NEO1: variants seen among roughly 807,000 people sequenced by gnomAD.
NEO1 encodes the protein neogenin 1, also known as neogenin.
A neutral mutation model predicts 159.7 loss-of-function variants in NEO1; 63 were observed. The ratio of observed to expected loss-of-function variants is 0.39; its 90% CI spans 0.32 to 0.49. NEO1 has a LOEUF of 0.49. NEO1 is among the 20% of genes least tolerant of loss of function. NEO1 has a pLI of 0.85. For synonymous variants in NEO1, 633 were observed against 662.0 expected, an observed-to-expected ratio of 0.96 and a Z score of 0.67; for missense variants, 1,615 against 1,831.0, an observed-to-expected ratio of 0.88 and a Z score of 2.15.
rs1451565253 is a variant in NEO1, at chr15:73,260,439, A to G, written c.2372A>G (p.Gln791Arg). The change falls in exon 15 of 29, where the codon CAG becomes CGG. Residue 791 changes from glutamine to arginine, a missense_variant. Transcript: ENST00000261908. Reference protein sequence around the residue: ...HAQTIKVDYKQRYYTIENLDP... With the variant: ...HAQTIKVDYKRRYYTIENLDP... ...CAGACCATCAAAGTGGACTATAAAC[A>G]GCGCTATTACACCATTGAAAATCTG... 9 of 1,613,442 alleles carry G rather than the reference A, an allele frequency of 5.6e-6. No individual in the cohort carries two copies. The highest frequency in any genetic ancestry group is 6.8e-6 in the Non-Finnish European group (8 of 1,179,506).
chr15:73,212,993 C>T (rs886141446), intron 7 of NEO1, among the ~76,000 whole-genome samples: 1 of 149,286 alleles, frequency 6.7e-6, no homozygotes, highest in Non-Finnish European at 1.5e-5. Flanking sequence ...AAAGAATATG[C>T]GCCAAACTAT....
intron 16 of NEO1, among the ~76,000 whole-genome samples, chr15:73,268,365 A>G (rs1219792266): frequency 6.6e-6 from 1 of 152,234 alleles, no homozygotes; most frequent in African/African-American, 2.4e-5. Flanking sequence ...AATGTTCCTA[A>G]GTCATGTAAT....
At chr15:73,220,214 T>C (rs1202683340) in intron 7 of NEO1, among the ~76,000 whole-genome samples, 1 of 152,206 alleles carries the variant, frequency 6.6e-6, no homozygotes, top group Non-Finnish European at 1.5e-5. Flanking sequence ...AAATTCTGGG[T>C]TGAAAATTCT....
intron 20 of NEO1, 127 bp from the exon 21 acceptor site, chr15:73,274,565 A>T: frequency 2.3e-6 from 2 of 867,848 alleles, no homozygotes; most frequent in Non-Finnish European, 3.8e-6. Flanking sequence ...TACTAAAGTC[A>T]AGTTTCAGTT....
At position 73,270,029 on chromosome 15, in the gene NEO1, A is replaced by C; in HGVS notation, c.2514A>C (p.Leu838Phe). Residue 838 changes from leucine (L) to phenylalanine (F), a missense_variant, in exon 17 of 29, where the codon TTA becomes TTC. Leu to Phe is a conservative substitution (Grantham distance 22, BLOSUM62 0). This residue lies in a region of NEO1 where 1,018 missense variants were observed against 1,115.4 expected (regional missense o/e 0.91). Coordinates refer to ENST00000261908, the MANE Select transcript of NEO1 (RefSeq NM_002499.4). ...RPHTDTSEVD[L>F]FVINAPYTPV... ...GCTCAGACACTTCTGAAGTTGATTT[A>C]TTTGTTATTAATGCTCCATACACTC... 6.2e-7 allele frequency: 1 copy of C among 1,613,818 alleles called. No homozygotes were observed. Among genetic ancestry groups the C allele is most frequent in the Non-Finnish European group, 8.5e-7 (1 of 1,179,872 alleles).
rs566153716 is a variant in NEO1 at position 73,182,832 on chromosome 15, A to G, written c.1291+4405A>G. On this transcript the variant is annotated intron_variant, in intron 7 of 28. Coordinates refer to ENST00000261908, the MANE Select transcript of NEO1 (RefSeq NM_002499.4). Reference sequence around the variant, plus strand: ...GTGAGGTTTGGGTGGGGACACAGCCAAACCATAACAGCAACCAAATAACCT... The same window carrying G: ...GTGAGGTTTGGGTGGGGACACAGCCGAACCATAACAGCAACCAAATAACCT... Among the ~76,000 whole-genome samples, 56 of 152,324 alleles carry G rather than the reference A, an allele frequency of 3.7e-4. 2 individuals are homozygous for G. The South Asian group carries it at 0.011, about 30-fold the overall frequency.
chr15:73,167,551 A>G (rs543279273), intron 5 of NEO1, among the ~76,000 whole-genome samples: 27 of 152,224 alleles, frequency 1.8e-4, no homozygotes, highest in Non-Finnish European at 3.1e-4. Flanking sequence ...GTAGGTCTCA[A>G]AAATATATTT....
At chr15:73,123,420 T>A (rs1320072837) in intron 3 of NEO1, among the ~76,000 whole-genome samples, 1 of 152,206 alleles carries the variant, frequency 6.6e-6, no homozygotes, top group Non-Finnish European at 1.5e-5. Flanking sequence ...GTCTTTTCAC[T>A]TGTGCAAATC....
chr15:73,190,413 A>G (rs543904191), intron 7 of NEO1, among the ~76,000 whole-genome samples: 1 of 152,340 alleles, frequency 6.6e-6, no homozygotes, highest in East Asian at 1.9e-4. Context: ...GGAAACTTAC[A>G]CTTTACCAGC....
At chr15:73,138,046 A>G (rs922741589) in intron 5 of NEO1, among the ~76,000 whole-genome samples, 6 of 152,190 alleles carry the variant, frequency 3.9e-5, no homozygotes, top group African/African-American at 1.4e-4. Context: ...ACCTTAGACT[A>G]AAAGGACTAG....
intron 21 of NEO1, among the ~76,000 whole-genome samples, chr15:73,277,495 T>G (rs1342937319): frequency 1.3e-5 from 2 of 152,196 alleles, no homozygotes. Context: ...TAGGAGACAG[T>G]GTCTTTTTGA....
intron 5 of NEO1, among the ~76,000 whole-genome samples, chr15:73,147,725 C>A (rs1055659287): frequency 7.9e-5 from 12 of 152,158 alleles, no homozygotes; most frequent in Admixed American, 4.6e-4. Context: ...TAATAATTAG[C>A]CCACTCTGGG....
chr15:73,202,559 A>T (rs1042112572), intron 7 of NEO1, among the ~76,000 whole-genome samples: 1 of 152,080 alleles, frequency 6.6e-6, no homozygotes, highest in Admixed American at 6.6e-5. Flanking sequence ...CGTTCTAGCT[A>T]TCTTTGTTTT....
chr15:73,182,837 A>T (rs904863674), intron 7 of NEO1, among the ~76,000 whole-genome samples: 6 of 152,220 alleles, frequency 3.9e-5, no homozygotes, highest in Non-Finnish European at 4.4e-5. Context: ...CAGCCAAACC[A>T]TAACAGCAAC....
At chr15:73,060,483 G>A (rs1474342237) in intron 1 of NEO1, among the ~76,000 whole-genome samples, 1 of 151,846 alleles carries the variant, frequency 6.6e-6, no homozygotes, top group Non-Finnish European at 1.5e-5. Flanking sequence ...GGCCAGGCTG[G>A]TTTCAAACTC....
chr15:73,156,601 C>T (rs1227757022), intron 5 of NEO1, among the ~76,000 whole-genome samples: 1 of 152,180 alleles, frequency 6.6e-6, no homozygotes, highest in African/African-American at 2.4e-5. Flanking sequence ...TCAGTTGTTG[C>T]AATGGGCTGT....
chr15:73,082,123 C>T (rs910345895), intron 1 of NEO1, among the ~76,000 whole-genome samples: 28 of 146,546 alleles, frequency 1.9e-4, no homozygotes, highest in Non-Finnish European at 3.1e-5. Flanking sequence ...ATCTGCCCAA[C>T]TCGGCCTCCC....
In NEO1 at chr15:73,178,316, A is replaced by T. The variant is rs142917180; in HGVS notation, c.1180A>T (p.Asn394Tyr). The T allele has an allele frequency of 2.5e-6, 4 of 1,612,528 alleles. No individual in the cohort carries two copies. The African/African-American group carries it at 4.0e-5, about 16-fold the overall frequency. ...TGCTTTTCTTCTTCAGAAGGAACAT[A>T]ATCTTCAAGTTTTGGGTCTGGTGAA... Reference protein sequence around the residue: ...SDYFKIVKEHNLQVLGLVKSD... With the variant: ...SDYFKIVKEHYLQVLGLVKSD... The change falls in exon 7 of 29, where the codon AAT (asparagine) becomes TAT (tyrosine). Residue 394 changes from asparagine to tyrosine, a missense_variant. Around this residue, in one of 3 missense-constraint regions of NEO1, gnomAD observed 1,018 missense variants for 1,115.4 expected, o/e 0.91. Coordinates refer to ENST00000261908, the MANE Select transcript of NEO1 (RefSeq NM_002499.4).
At chr15:73,108,706 A>T (rs551494766) in intron 1 of NEO1, among the ~76,000 whole-genome samples, 1 of 152,228 alleles carries the variant, frequency 6.6e-6, no homozygotes, top group East Asian at 1.9e-4. Context: ...GCGTAGAAGG[A>T]TAGAGGACTA....
Sources: gnomAD v4.1 joint callset for allele counts (sites outside exome capture counted in the v4.1 genomes callset) on GRCh38, gnomAD v4.1.1 for gene constraint, gnomAD v4.1.1 regional missense constraint, MANE v1.5 for transcripts, NCBI Gene and HGNC (gene_info 2026-07-23, HGNC 2026-07-21) for gene names.